The following PRKN variants were observed in gnomAD, a reference collection of about 807,000 sequenced individuals.
The protein encoded by PRKN is E3 ubiquitin-protein ligase parkin.
In PRKN, 56 loss-of-function variants were observed where a neutral mutation model predicts 59.5. The observed-to-expected ratio is 0.94, with a 90% CI of 0.76 to 1.18. The LOEUF (loss-of-function observed/expected upper bound fraction) is 1.18, where lower values mean the gene tolerates loss of function less well. Among genes scored for constraint, PRKN ranks in the 50% most tolerant of loss-of-function variants. The probability of loss-of-function intolerance (pLI) is 0.00; values close to 1 mark genes in which losing one functional copy is unlikely to be tolerated. For synonymous variants in PRKN, 250 were observed against 222.1 expected (o/e 1.13, Z -1.12); for missense variants, 657 against 596.4 (o/e 1.10, Z -1.06).
intron 2 of PRKN, among the ~76,000 whole-genome samples, chr6:162,280,395 A>G (rs1048891995): frequency 1.3e-5 from 2 of 152,142 alleles, no homozygotes; most frequent in Non-Finnish European, 2.9e-5. Flanking sequence ...TCAAGGGGGA[A>G]ATTTATAGTA....
At chr6:161,822,571 G>T (rs941305717) in intron 6 of PRKN, among the ~76,000 whole-genome samples, 3 of 152,216 alleles carry the variant, frequency 2.0e-5, no homozygotes, top group African/African-American at 2.4e-5. Context: ...AGCTACGCGG[G>T]AGGCTGAGGC....
chr6:162,422,954 C>CAAAAAAAAAAA (rs61557917), intron 2 of PRKN, among the ~76,000 whole-genome samples: 27 of 65,686 alleles, frequency 4.1e-4, no homozygotes, highest in East Asian at 2.9e-3. Flanking sequence ...TCCAAGAGAC[C>CAAAAAAAAAAA]AAAAAAAAAA....
At chr6:162,368,494 C>A (rs999671509) in intron 2 of PRKN, among the ~76,000 whole-genome samples, 2 of 149,936 alleles carry the variant, frequency 1.3e-5, no homozygotes, top group Non-Finnish European at 3.0e-5. Context: ...GGTCATCCTT[C>A]TTACATCCTT....
chr6:162,291,685 TGG>T (rs1781434822), intron 2 of PRKN, among the ~76,000 whole-genome samples: 1 of 152,200 alleles, frequency 6.6e-6, no homozygotes, highest in Non-Finnish European at 1.5e-5. Flanking sequence ...ATGAAAGCCC[TGG>T]CTTTAACAGA....
intron 1 of PRKN, among the ~76,000 whole-genome samples, chr6:162,470,968 C>T (rs572291814): frequency 2.0e-5 from 3 of 152,076 alleles, no homozygotes; most frequent in East Asian, 3.9e-4. Flanking sequence ...ACCATGTTGG[C>T]CAGAATGGTC....
rs2128330380 is a variant in PRKN, at chr6:162,201,154, G to A, written c.511C>T (p.Gln171Ter). Residue 171 changes from glutamine (Q) to a stop codon, truncating the protein, a stop_gained, in exon 4 of 12, where the codon CAG (glutamine) becomes TAG (stop). Coordinates refer to ENST00000366898, the MANE Select transcript of PRKN (RefSeq NM_004562.3). LOFTEE classifies it high-confidence loss of function. ...KLRVQCSTCR[Q>*]ATLTLTQGPS... ...ACCTGGGTCAAGGTGAGCGTTGCCTGCCTGCAGGTGCTGCACTGTACCCTG... is the reference window on the plus strand; with the variant it reads ...ACCTGGGTCAAGGTGAGCGTTGCCTACCTGCAGGTGCTGCACTGTACCCTG... 6.2e-7 allele frequency: 1 copy of A among 1,614,148 alleles called. No homozygotes were observed. The highest frequency in any genetic ancestry group is 8.5e-7 in the Non-Finnish European group (1 of 1,180,000).
intron 9 of PRKN, among the ~76,000 whole-genome samples, chr6:161,476,107 G>A (rs113427695): frequency 0.24 from 36,657 of 150,122 alleles, 5,150 homozygotes; most frequent in African/African-American, 0.39. Flanking sequence ...GAATGGTGTG[G>A]ACCCGGGAGG....
At chr6:162,221,738 A>G (rs1008140529) in intron 3 of PRKN, among the ~76,000 whole-genome samples, 6 of 152,102 alleles carry the variant, frequency 3.9e-5, no homozygotes, top group African/African-American at 7.2e-5. Flanking sequence ...GGAGATGTAA[A>G]TATTCAGGTA....
intron 6 of PRKN, among the ~76,000 whole-genome samples, chr6:161,889,698 A>G (rs751167105): frequency 8.5e-5 from 13 of 152,228 alleles, no homozygotes; most frequent in Non-Finnish European, 1.5e-4. Context: ...TCAAAAGGAA[A>G]GAAGTCAACA....
intron 1 of PRKN, among the ~76,000 whole-genome samples, chr6:162,669,107 A>T (rs181127365): frequency 6.6e-6 from 1 of 152,274 alleles, no homozygotes. Flanking sequence ...TAAAATCCAC[A>T]GTTTTTTTTA....
In PRKN at chr6:162,277,306, G is replaced by A. The variant is rs182681365; in HGVS notation, c.172-14541C>T. Among the ~76,000 whole-genome samples, 259 of 152,186 alleles carry A rather than the reference G, an allele frequency of 1.7e-3. 1 individual carries two copies. Among genetic ancestry groups the A allele is most frequent in the Admixed American group, 4.1e-3 (63 of 15,284 alleles). On this transcript the variant is annotated intron_variant, in intron 2 of 11. Transcript: ENST00000366898. ...GCATCACTGTAACTAAGATTCACACGGGCATTGTCAGTTACAAAGGATTCA... is the reference window on the plus strand; with the variant it reads ...GCATCACTGTAACTAAGATTCACACAGGCATTGTCAGTTACAAAGGATTCA...
At chr6:162,545,728 A>G (rs1779092095) in intron 1 of PRKN, among the ~76,000 whole-genome samples, 1 of 152,226 alleles carries the variant, frequency 6.6e-6, no homozygotes, top group Non-Finnish European at 1.5e-5. Context: ...ATCACAGATT[A>G]TATCACTTTG....
At chr6:162,241,024 T>A (rs934189757) in intron 3 of PRKN, among the ~76,000 whole-genome samples, 19 of 152,230 alleles carry the variant, frequency 1.2e-4, no homozygotes, top group African/African-American at 4.6e-4. Flanking sequence ...GATTTGGAGT[T>A]GACTTTTTAA....
chr6:161,853,498 A>C (rs1793518447), intron 6 of PRKN, among the ~76,000 whole-genome samples: 1 of 152,216 alleles, frequency 6.6e-6, no homozygotes, highest in African/African-American at 2.4e-5. Context: ...TAAACTGTTT[A>C]AGATAATATG....
chr6:162,079,199 C>T (rs73032252), intron 4 of PRKN, among the ~76,000 whole-genome samples: 16,549 of 152,038 alleles, frequency 0.11, 997 homozygotes, highest in African/African-American at 0.13. Context: ...GAAGGTGTAG[C>T]GGAACACGAA....
intron 1 of PRKN, among the ~76,000 whole-genome samples, chr6:162,665,165 A>T (rs1012384527): frequency 6.6e-6 from 1 of 152,048 alleles, no homozygotes; most frequent in Non-Finnish European, 1.5e-5. Context: ...TCAACATAGT[A>T]TTGGAAGTTC....
chr6:162,330,441 G>C (rs535906751), intron 2 of PRKN, among the ~76,000 whole-genome samples: 7 of 152,176 alleles, frequency 4.6e-5, no homozygotes, highest in Non-Finnish European at 1.0e-4. Context: ...AAAGCAAACA[G>C]CTTCACCTTT....
intron 1 of PRKN, among the ~76,000 whole-genome samples, chr6:162,564,259 C>T (rs982434337): frequency 3.3e-5 from 5 of 151,844 alleles, no homozygotes; most frequent in Admixed American, 6.6e-5. Flanking sequence ...GCAGAAGAAT[C>T]GCTTGAATCA....
intron 7 of PRKN, among the ~76,000 whole-genome samples, chr6:161,759,333 G>T (rs1562661653): frequency 6.6e-6 from 1 of 152,038 alleles, no homozygotes; most frequent in Non-Finnish European, 1.5e-5. Context: ...GGGCTTCCTA[G>T]GTCAGTTGGT....
Sources: gnomAD v4.1 joint callset for allele counts (sites outside exome capture counted in the v4.1 genomes callset) on GRCh38, gnomAD v4.1.1 for gene constraint, MANE v1.5 for transcripts, NCBI Gene and HGNC (gene_info 2026-07-23, HGNC 2026-07-21) for gene names.